CRB2: variants seen among roughly 807,000 people sequenced by gnomAD.
CRB2 encodes crumbs cell polarity complex component 2, also known as protein crumbs homolog 2.
CRB2 carries 85 observed loss-of-function variants against 110.9 expected under a neutral mutation model. The observed-to-expected ratio is 0.77, with a 90% CI of 0.64 to 0.92. The LOEUF is 0.92. Among genes scored for constraint, CRB2 ranks in the 40% least tolerant of loss-of-function variants. The pLI, the probability that CRB2 is intolerant of heterozygous loss-of-function variation, is 0.00. For missense variants in CRB2, 1,843 were observed against 1,851.3 expected (o/e 1.00, Z 0.08); for synonymous variants, 907 against 831.0 (o/e 1.09, Z -1.57).
Position 123,366,297 on chromosome 9 carries a change from T to C in CRB2, c.685T>C (p.Ser229Pro). 2.0e-6 allele frequency: 3 copies of C among 1,523,676 alleles called. No individual in the cohort carries two copies. The highest frequency in any genetic ancestry group is 4.3e-5 in the Admixed American group (2 of 47,012). 94.4% of individuals were successfully genotyped at this position (1,523,676 alleles called of 1,614,324 possible). A position where few individuals can be genotyped will look rare whatever the true frequency, so the allele number is the denominator to read the frequency against. ...CGAGCGGGAGGTGCTGGAGTGCGCA[T>C]CGGCGCCCTGCGAGCACAACGCGTC... The part of the protein sequence containing the change: ...HCEREVLECA[S>P]APCEHNASCL... The change falls in exon 4 of 13, where the codon TCG becomes CCG. Residue 229 changes from serine to proline, a missense_variant. By Grantham distance (74) the Ser-to-Pro change is moderately conservative. Transcript: ENST00000373631.
chr9:123,367,216 T>G lies in CRB2; in HGVS notation c.799T>G (p.Ser267Ala). Residue 267 changes from serine (S) to alanine (A), a missense_variant, in exon 5 of 13, where the codon TCG becomes GCG. Coordinates refer to ENST00000373631, the MANE Select transcript of CRB2 (RefSeq NM_173689.7). ...LCEVDEDECA[S>A]SPCQHGGRCL... ...CGAGGTGGACGAGGACGAGTGTGCATCGAGCCCCTGCCAGCATGGGGGCCG... is the reference window on the plus strand; with the variant it reads ...CGAGGTGGACGAGGACGAGTGTGCAGCGAGCCCCTGCCAGCATGGGGGCCG... 1 of 1,601,256 alleles carries G rather than the reference T, an allele frequency of 6.2e-7. No homozygotes were observed. Among genetic ancestry groups the G allele is most frequent in the African/African-American group, 1.3e-5 (1 of 74,718 alleles).
chr9:123,369,113 C>T (rs2132768285), intron 6 of CRB2, among the ~76,000 whole-genome samples: 1 of 152,272 alleles, frequency 6.6e-6, no homozygotes, highest in South Asian at 2.1e-4. Flanking sequence ...CTACAGTGGG[C>T]TATGGCTTCT....
upstream of CRB2, among the ~76,000 whole-genome samples, chr9:123,355,550 T>A (rs536803403): frequency 6.6e-5 from 7 of 106,602 alleles, no homozygotes; most frequent in Non-Finnish European, 9.4e-5. Context: ...AGGCCGATGG[T>A]GGGAGGAGCT....
Position 123,362,855 on chromosome 9 carries a change from C to T in CRB2, c.95-10C>T, listed in dbSNP as rs1342190221. The stretch of plus-strand genomic sequence containing the variant: ...GCCCACCCTGCCCAGCCAGTTTCTT[C>T]TTTCTACAGGGACGGTGCCTTCAGA... On this transcript the variant is annotated splice_polypyrimidine_tract_variant and intron_variant, in intron 1 of 12. Coordinates refer to ENST00000373631, the MANE Select transcript of CRB2 (RefSeq NM_173689.7). The T allele has an allele frequency of 6.4e-7, 1 of 1,561,078 alleles. No individual in the cohort carries two copies. The highest frequency in any genetic ancestry group is 2.3e-5 in the East Asian group (1 of 43,910).
chr9:123,375,203 C>A lies in CRB2; in HGVS notation c.3507-14C>A, dbSNP rs115981769. The A allele has an allele frequency of 4.1e-3, 6,611 of 1,612,088 alleles. 52 individuals carry two copies. The highest frequency in any genetic ancestry group is 0.028 in the African/African-American group (2,115 of 74,962). On this transcript the variant is annotated splice_polypyrimidine_tract_variant and intron_variant, in intron 11 of 12. Coordinates refer to ENST00000373631, the MANE Select transcript of CRB2 (RefSeq NM_173689.7). ...ATGGGGGAAGCCGCTTTCTCAGCCC[C>A]CCTCCCTCTCCAGGTGTCAGGTCCC...
rs770188191 is a variant in CRB2 at position 123,362,824 on chromosome 9, A to T, written c.95-41A>T. 2.6e-6 allele frequency: 4 copies of T among 1,527,302 alleles called. No individual in the cohort carries two copies. The African/African-American group carries it at 4.1e-5, about 16-fold the overall frequency. The allele number at this position is 1,527,302 out of a possible 1,614,324, so 94.6% of individuals were successfully genotyped here. ...GGGTGGGGAGGAGATTGTCCTTGTA[A>T]CCTCTGCCCACCCTGCCCAGCCAGT... On this transcript the variant is annotated intron_variant, in intron 1 of 12. Coordinates refer to ENST00000373631, the MANE Select transcript of CRB2 (RefSeq NM_173689.7).
intron 2 of CRB2, among the ~76,000 whole-genome samples, chr9:123,364,026 G>A (rs943310132): frequency 6.6e-6 from 1 of 152,202 alleles, no homozygotes; most frequent in Non-Finnish European, 1.5e-5. Flanking sequence ...TGAGGGCAGA[G>A]GGCAGTTTGA....
chr9:123,375,775 C>T (rs2042093761), intron 12 of CRB2, among the ~76,000 whole-genome samples: 1 of 152,212 alleles, frequency 6.6e-6, no homozygotes, highest in Non-Finnish European at 1.5e-5. Flanking sequence ...GGAGTCCGCA[C>T]TGGAGCAGGC....
chr9:123,363,124 C>G lies in CRB2; in HGVS notation c.354C>G (p.His118Gln). 1 of 1,610,590 alleles carries G rather than the reference C, an allele frequency of 6.2e-7. No homozygotes were observed. Among genetic ancestry groups the G allele is most frequent in the Non-Finnish European group, 8.5e-7 (1 of 1,179,536 alleles). Residue 118 changes from histidine (H) to glutamine (Q), a missense_variant, in exon 2 of 13, where the codon CAC (histidine) becomes CAG (glutamine). Coordinates refer to ENST00000373631, the MANE Select transcript of CRB2 (RefSeq NM_173689.7). The part of the protein sequence containing the change: ...DIDECASRPC[H>Q]HGATCRNLAD... ...ATGAGTGTGCATCCCGGCCGTGCCACCATGGGGCCACCTGCCGCAACCTGG... is the reference window on the plus strand; with the variant it reads ...ATGAGTGTGCATCCCGGCCGTGCCAGCATGGGGCCACCTGCCGCAACCTGG...
chr9:123,365,052 A>G (rs2041913735), intron 2 of CRB2, among the ~76,000 whole-genome samples: 1 of 152,170 alleles, frequency 6.6e-6, no homozygotes. Flanking sequence ...ACTTGAGGCC[A>G]GGAGTTGGAG....
intron 11 of CRB2, among the ~76,000 whole-genome samples, chr9:123,375,003 C>T (rs1369524781): frequency 6.6e-6 from 1 of 152,230 alleles, no homozygotes; most frequent in Non-Finnish European, 1.5e-5. Context: ...TGCCTTCACA[C>T]AGGCTCCCGT....
rs2042123340 is a variant in CRB2, at chr9:123,377,631, C to T, written c.*569C>T. ...CCTTCCCCGCCTCTGGGGGCTGCTC[C>T]TGCTGTGGAGGCAGCTGGGAAGTCA... is the stretch of plus-strand genomic sequence containing the variant. On this transcript the variant is annotated 3_prime_UTR_variant, in exon 13 of 13. Transcript: ENST00000373631. 1 of 152,370 alleles carries T rather than the reference C, an allele frequency of 6.6e-6. No individual in the cohort carries two copies. The highest frequency in any genetic ancestry group is 2.1e-4 in the South Asian group (1 of 4,836). The allele number at this position is 152,370 out of a possible 1,614,324, so 9.4% of individuals were successfully genotyped here. A position where few individuals can be genotyped will look rare whatever the true frequency, so the allele number is the denominator to read the frequency against.
chr9:123,360,949 C>G (rs941161058), intron 1 of CRB2, among the ~76,000 whole-genome samples: 1 of 152,152 alleles, frequency 6.6e-6, no homozygotes, highest in African/African-American at 2.4e-5. Flanking sequence ...ATTCCTTCCT[C>G]CCATGGGGTT....
At chr9:123,368,646 C>T in intron 6 of CRB2, 1 of 367,686 alleles carries the variant, frequency 2.7e-6, no homozygotes, top group Non-Finnish European at 3.9e-6. Flanking sequence ...GTTGAGCTCA[C>T]TGTTGGGTGA....
intron 2 of CRB2, among the ~76,000 whole-genome samples, chr9:123,364,690 G>A (rs1025661459): frequency 1.3e-5 from 2 of 152,182 alleles, no homozygotes; most frequent in Admixed American, 1.3e-4. Context: ...ACCCACTTAG[G>A]GGGCAGGGCC....
chr9:123,371,931 A>G (rs1468192676), intron 8 of CRB2, among the ~76,000 whole-genome samples: 1 of 152,146 alleles, frequency 6.6e-6, no homozygotes, highest in Non-Finnish European at 1.5e-5. Context: ...CTGGAGTTAG[A>G]ACAGCTTGGG....
chr9:123,365,732 T>C (rs1202940422), intron 2 of CRB2, among the ~76,000 whole-genome samples, 185 bp from the exon 3 acceptor site: 1 of 152,208 alleles, frequency 6.6e-6, no homozygotes, highest in Non-Finnish European at 1.5e-5. Flanking sequence ...CAGGGCTGTC[T>C]GTCTCGTTTC....
chr9:123,364,829 CAGGACTGCGAGGG>C (rs1231811138), intron 2 of CRB2, among the ~76,000 whole-genome samples: 2 of 152,196 alleles, frequency 1.3e-5, no homozygotes, highest in Middle Eastern at 3.2e-3. Flanking sequence ...GTGATTCGCC[CAGGACTGCGAGGG>C]TTCTGGGGAC....
chr9:123,364,791 A>C (rs7018853), intron 2 of CRB2, among the ~76,000 whole-genome samples: 57,301 of 152,046 alleles, frequency 0.38, 10,869 homozygotes, highest in East Asian at 0.4. Context: ...CCTCTTCACC[A>C]TCACCCTGGG....
Sources: gnomAD v4.1 joint callset for allele counts (sites outside exome capture counted in the v4.1 genomes callset) on GRCh38, gnomAD v4.1.1 for gene constraint, MANE v1.5 for transcripts, NCBI Gene and HGNC (gene_info 2026-07-23, HGNC 2026-07-21) for gene names.